Variants in VSTM5 observed in about 807,000 individuals in gnomAD.
VSTM5 encodes V-set and transmembrane domain-containing protein 5.
A neutral mutation model predicts 20.3 loss-of-function variants in VSTM5; 21 were observed. The ratio of observed to expected loss-of-function variants is 1.03; its 90% CI spans 0.73 to 1.49. VSTM5 has a LOEUF of 1.49. Ranked by LOEUF, VSTM5 falls within the 40% of genes most tolerant of loss-of-function variation. The pLI is 0.00. For synonymous variants in VSTM5, 100 were observed against 102.5 expected, an observed-to-expected ratio of 0.98 and a Z score of 0.14; for missense variants, 219 against 250.0, an observed-to-expected ratio of 0.88 and a Z score of 0.84.
Position 93,820,116 on chromosome 11 carries a change from G to C in VSTM5, c.*453C>G, listed in dbSNP as rs988729391. On this transcript the variant is annotated 3_prime_UTR_variant, in exon 4 of 4. Coordinates refer to ENST00000409977, the MANE Select transcript of VSTM5 (RefSeq NM_001144871.2). ...CTTGCTTGTGGGATACCAGATGGGG[G>C]GCTGGTTGGCACAGCAGTTGCAGAG... 14 of 181,668 alleles carry C rather than the reference G, an allele frequency of 7.7e-5. No homozygotes were observed. The highest frequency in any genetic ancestry group is 1.5e-4 in the Non-Finnish European group (13 of 86,974). The allele number at this position is 181,668 out of a possible 1,614,324, so 11.3% of individuals were successfully genotyped here.
chr11:93,842,810 G>A (rs1042339138), intron 1 of VSTM5, among the ~76,000 whole-genome samples: 2 of 152,336 alleles, frequency 1.3e-5, no homozygotes, highest in South Asian at 4.1e-4. Flanking sequence ...GTGATCAGAA[G>A]ATCATTCAGG....
intron 1 of VSTM5, among the ~76,000 whole-genome samples, chr11:93,840,765 C>T (rs1292888815): frequency 2.0e-5 from 3 of 152,134 alleles, no homozygotes; most frequent in African/African-American, 7.2e-5. Context: ...GGCCCGGTCC[C>T]CAGTTTCTCA....
chr11:93,827,338 G>A lies in VSTM5; in HGVS notation c.92-6015C>T, dbSNP rs576252923. Reference sequence around the variant, plus strand: ...GCGGACGTTGCAGTGAGCCGAGATCGTGCCACTGCACTCCAGCCTGGCAAC... The same window carrying A: ...GCGGACGTTGCAGTGAGCCGAGATCATGCCACTGCACTCCAGCCTGGCAAC... On this transcript the variant is annotated intron_variant, in intron 1 of 3. Coordinates refer to ENST00000409977, the MANE Select transcript of VSTM5 (RefSeq NM_001144871.2). 3.9e-5 allele frequency among the ~76,000 whole-genome samples: 6 copies of A among 152,290 alleles called. No homozygotes were observed. The South Asian group carries it at 6.2e-4, about 16-fold the overall frequency.
chr11:93,830,773 T>C (rs1482632703), intron 1 of VSTM5, among the ~76,000 whole-genome samples: 1 of 151,492 alleles, frequency 6.6e-6, no homozygotes, highest in Non-Finnish European at 1.5e-5. Context: ...TTTTTTTTTT[T>C]TTGAGATAAG....
At chr11:93,833,198 G>T (rs1275601034) in intron 1 of VSTM5, among the ~76,000 whole-genome samples, 3 of 152,124 alleles carry the variant, frequency 2.0e-5, no homozygotes, top group African/African-American at 7.2e-5. Context: ...AATGTTTCTG[G>T]ATATATCAGG....
intron 1 of VSTM5, among the ~76,000 whole-genome samples, chr11:93,839,530 T>C (rs1944353631): frequency 6.6e-6 from 1 of 152,206 alleles, no homozygotes; most frequent in Non-Finnish European, 1.5e-5. Flanking sequence ...CTTTGCATGG[T>C]TGTGAAAACT....
At chr11:93,840,747 G>C (rs1944363989) in intron 1 of VSTM5, among the ~76,000 whole-genome samples, 1 of 152,184 alleles carries the variant, frequency 6.6e-6, no homozygotes. Context: ...CACGGAACTA[G>C]ATTGCAGGGC....
intron 1 of VSTM5, among the ~76,000 whole-genome samples, chr11:93,838,064 T>C (rs1364540254): frequency 2.6e-5 from 4 of 152,056 alleles, no homozygotes; most frequent in Non-Finnish European, 5.9e-5. Flanking sequence ...GGAGAGCACA[T>C]ACAGTGGAGC....
chr11:93,840,713 C>G (rs959200873), intron 1 of VSTM5, among the ~76,000 whole-genome samples: 1 of 152,142 alleles, frequency 6.6e-6, no homozygotes, highest in African/African-American at 2.4e-5. Flanking sequence ...GCATTTGGCT[C>G]CATTAGAATC....
intron 1 of VSTM5, among the ~76,000 whole-genome samples, chr11:93,844,496 G>A (rs988648518): frequency 6.6e-6 from 1 of 152,058 alleles, no homozygotes; most frequent in Non-Finnish European, 1.5e-5. Context: ...GCCTTCCCAA[G>A]CTCCAAAACC....
chr11:93,840,978 C>T (rs1278983942), intron 1 of VSTM5, among the ~76,000 whole-genome samples: 2 of 145,272 alleles, frequency 1.4e-5, no homozygotes, highest in African/African-American at 5.7e-5. Context: ...GGGAAAACAC[C>T]TGGGTCTGGG....
intron 1 of VSTM5, among the ~76,000 whole-genome samples, chr11:93,845,952 C>T (rs901644470): frequency 1.3e-5 from 2 of 152,244 alleles, no homozygotes; most frequent in African/African-American, 2.4e-5. Flanking sequence ...GCAGAAGCAA[C>T]ACACATTCTC....
At chr11:93,821,540 G>T in intron 1 of VSTM5, 2 of 570,126 alleles carry the variant, frequency 3.5e-6, no homozygotes, top group Non-Finnish European at 6.2e-6. Context: ...TTTCCATTTT[G>T]AAGACTATTT....
chr11:93,821,641 C>T (rs1009705581), intron 1 of VSTM5: 1 of 335,556 alleles, frequency 3.0e-6, no homozygotes, highest in African/African-American at 2.1e-5. Context: ...GGGAGCCCTT[C>T]TGATGCCCAA....
chr11:93,824,983 C>G (rs1051510172), intron 1 of VSTM5, among the ~76,000 whole-genome samples: 11 of 152,180 alleles, frequency 7.2e-5, no homozygotes, highest in African/African-American at 2.7e-4. Context: ...TATATAAGTG[C>G]CTTTGTTTCT....
At chr11:93,831,423 C>T (rs1327815378) in intron 1 of VSTM5, among the ~76,000 whole-genome samples, 1 of 152,214 alleles carries the variant, frequency 6.6e-6, no homozygotes, top group Non-Finnish European at 1.5e-5. Flanking sequence ...GAGGTCAATA[C>T]AGCACCTCCA....
chr11:93,824,240 T>G (rs2135730331), intron 1 of VSTM5, among the ~76,000 whole-genome samples: 1 of 152,226 alleles, frequency 6.6e-6, no homozygotes, highest in African/African-American at 2.4e-5. Flanking sequence ...TTGAGGAATC[T>G]CCATACTTTT....
Position 93,821,028 on chromosome 11 carries a change from G to T in VSTM5, c.387C>A (p.Ser129Arg). The T allele has an allele frequency of 6.4e-7, 1 of 1,551,698 alleles. No individual in the cohort carries two copies. Among genetic ancestry groups the T allele is most frequent in the Non-Finnish European group, 8.7e-7 (1 of 1,147,000 alleles). The change falls in exon 2 of 4, where the codon AGC becomes AGA. Residue 129 changes from serine to arginine, a missense_variant. Ser to Arg is a moderately radical substitution (Grantham distance 110). Transcript: ENST00000409977. ...CGTGCAGCACGATGGTGCCAAACTG[G>T]CTGCTCCCCAGGCGCTCCGTCACGG... ...VITVTERLGS[S>R]QFGTIVLHVS... is the part of the protein sequence containing the mutation.
intron 1 of VSTM5, chr11:93,827,747 A>AG (rs1294857656): frequency 6.6e-6 from 1 of 151,542 alleles, no homozygotes; most frequent in Non-Finnish European, 1.5e-5. Flanking sequence ...AAAAAAAAAA[A>AG]GGACAGCAGG....
Sources: allele counts gnomAD v4.1 joint callset (sites outside exome capture counted in the v4.1 genomes callset), GRCh38; gene constraint gnomAD v4.1.1; transcripts MANE v1.5; gene names NCBI Gene and HGNC (gene_info 2026-07-23, HGNC 2026-07-21).